EPHA5: variants seen among roughly 807,000 people sequenced by gnomAD.
The protein encoded by EPHA5 is ephrin type-A receptor 5.
In EPHA5, 60 loss-of-function variants were observed where a neutral mutation model predicts 105.0. The ratio of observed to expected loss-of-function variants is 0.57; its 90% CI spans 0.46 to 0.71. The LOEUF is 0.71. Among genes scored for constraint, EPHA5 ranks in the 30% least tolerant of loss-of-function variants. The pLI, the probability that EPHA5 is intolerant of heterozygous loss-of-function variation, is 0.00. For synonymous variants in EPHA5, 513 were observed against 449.1 expected (o/e 1.14, Z -1.80); for missense variants, 1,218 against 1,274.7 (o/e 0.96, Z 0.68).
At chr4:65,551,276 GTGTGTATATATA>G (rs962173545) in intron 3 of EPHA5, among the ~76,000 whole-genome samples, 11 of 100,610 alleles carry the variant, frequency 1.1e-4, no homozygotes, top group African/African-American at 4.4e-4. Flanking sequence ...GTGTGTGTGT[GTGTGTATATATA>G]TATATATATA....
intron 3 of EPHA5, among the ~76,000 whole-genome samples, chr4:65,595,857 G>A (rs1164610940): frequency 3.9e-5 from 6 of 152,168 alleles, no homozygotes; most frequent in Admixed American, 3.3e-4. Flanking sequence ...TGGGATTACA[G>A]GCATGAGCCA....
intron 2 of EPHA5, among the ~76,000 whole-genome samples, chr4:65,632,900 G>T (rs986846300): frequency 1.5e-4 from 23 of 152,006 alleles, no homozygotes; most frequent in Non-Finnish European, 3.2e-4. Context: ...TGGAGAGTAA[G>T]AAGTATTTCA....
intron 14 of EPHA5, among the ~76,000 whole-genome samples, chr4:65,345,763 T>TTTTTC (rs962340738): frequency 7.0e-6 from 1 of 142,000 alleles, no homozygotes; most frequent in African/African-American, 2.5e-5. Context: ...ATGCCTCTTC[T>TTTTTC]TTTTCTTTTC....
At chr4:65,634,300 T>C (rs1176760707) in intron 2 of EPHA5, among the ~76,000 whole-genome samples, 3 of 152,216 alleles carry the variant, frequency 2.0e-5, no homozygotes, top group Middle Eastern at 6.9e-3. Context: ...CTAATGAAGC[T>C]AATGAACAAA....
intron 4 of EPHA5, among the ~76,000 whole-genome samples, chr4:65,491,832 GA>G (rs1465062271): frequency 1.3e-5 from 2 of 152,118 alleles, no homozygotes; most frequent in South Asian, 2.1e-4. Flanking sequence ...TAGAATAATA[GA>G]GAGAACAAAA....
chr4:65,616,454 CAGAG>C (rs1235345244), intron 2 of EPHA5, among the ~76,000 whole-genome samples: 492 of 147,908 alleles, frequency 3.3e-3, no homozygotes, highest in Non-Finnish European at 4.8e-3. Context: ...CACACACACA[CAGAG>C]AGAGAGAGAG....
chr4:65,578,631 T>A (rs1265408942), intron 3 of EPHA5, among the ~76,000 whole-genome samples: 1 of 152,238 alleles, frequency 6.6e-6, no homozygotes, highest in Non-Finnish European at 1.5e-5. Flanking sequence ...AAAAGAAACC[T>A]TTAATTTTTG....
intron 5 of EPHA5, among the ~76,000 whole-genome samples, chr4:65,461,458 T>C (rs1728113908): frequency 6.6e-6 from 1 of 152,032 alleles, no homozygotes; most frequent in South Asian, 2.1e-4. Flanking sequence ...CTCTAACATA[T>C]TTTCGATATA....
At chr4:65,463,093 G>A (rs1358033853) in intron 5 of EPHA5, among the ~76,000 whole-genome samples, 2 of 152,248 alleles carry the variant, frequency 1.3e-5, no homozygotes, top group South Asian at 2.1e-4. Flanking sequence ...ATAAGTATTG[G>A]TCTATATTAA....
intron 3 of EPHA5, among the ~76,000 whole-genome samples, chr4:65,518,559 G>A (rs1051196804): frequency 3.3e-5 from 5 of 151,824 alleles, no homozygotes; most frequent in Non-Finnish European, 5.9e-5. Flanking sequence ...ACAATCTCTG[G>A]ATATAACAGA....
At chr4:65,387,759 G>T (rs1293863585) in intron 8 of EPHA5, among the ~76,000 whole-genome samples, 2 of 151,750 alleles carry the variant, frequency 1.3e-5, no homozygotes, top group African/African-American at 2.4e-5. Context: ...TCATACAAAT[G>T]TAGAATACTG....
chr4:65,499,181 A>G (rs1732242761), intron 3 of EPHA5, among the ~76,000 whole-genome samples: 1 of 151,588 alleles, frequency 6.6e-6, no homozygotes, highest in Non-Finnish European at 1.5e-5. Flanking sequence ...TTTTCCTACC[A>G]TCAAATCTCC....
chr4:65,455,416 A>G (rs960471081), intron 5 of EPHA5, among the ~76,000 whole-genome samples: 3 of 152,104 alleles, frequency 2.0e-5, no homozygotes, highest in African/African-American at 4.8e-5. Flanking sequence ...TCCTTGCTAG[A>G]TGTTCTCTCT....
chr4:65,440,178 T>C (rs1322240465), intron 5 of EPHA5, among the ~76,000 whole-genome samples: 1 of 152,034 alleles, frequency 6.6e-6, no homozygotes, highest in Non-Finnish European at 1.5e-5. Flanking sequence ...TTCAGAAATA[T>C]TGTCATTAAC....
chr4:65,662,233 T>C (rs943761747), intron 1 of EPHA5, among the ~76,000 whole-genome samples: 3 of 152,096 alleles, frequency 2.0e-5, no homozygotes, highest in Admixed American at 6.6e-5. Context: ...CAGACTGTAT[T>C]TTCTCTAAAT....
intron 5 of EPHA5, among the ~76,000 whole-genome samples, chr4:65,452,784 A>G (rs1727192374): frequency 6.6e-6 from 1 of 152,212 alleles, no homozygotes; most frequent in Non-Finnish European, 1.5e-5. Context: ...CAAAAGATTC[A>G]TAGCTAAAAA....
chr4:65,393,837 A>G (rs1014397066), intron 8 of EPHA5, among the ~76,000 whole-genome samples: 2 of 152,180 alleles, frequency 1.3e-5, no homozygotes, highest in Non-Finnish European at 2.9e-5. Flanking sequence ...TAATTCTGGA[A>G]AGGTAGTTTG....
intron 7 of EPHA5, among the ~76,000 whole-genome samples, chr4:65,408,719 G>A (rs1722614488): frequency 6.6e-6 from 1 of 151,946 alleles, no homozygotes; most frequent in East Asian, 1.9e-4. Context: ...TGGAGAAATA[G>A]GAACACTTTT....
chr4:65,505,543 T>A (rs540381937), intron 3 of EPHA5, among the ~76,000 whole-genome samples: 2 of 152,096 alleles, frequency 1.3e-5, no homozygotes, highest in African/African-American at 2.4e-5. Flanking sequence ...CACCTTATTT[T>A]ACCATGCCTT....
Sources: allele counts gnomAD v4.1 joint callset (sites outside exome capture counted in the v4.1 genomes callset), GRCh38; gene constraint gnomAD v4.1.1; transcripts MANE v1.5; gene names NCBI Gene and HGNC (gene_info 2026-07-23, HGNC 2026-07-21).